The following CDC14B variants were observed in gnomAD, a reference collection of about 807,000 sequenced individuals.
CDC14B encodes the protein dual specificity protein phosphatase CDC14B.
CDC14B carries 22 observed loss-of-function variants against 64.2 expected under a neutral mutation model. The ratio of observed to expected loss-of-function variants is 0.34; its 90% CI spans 0.24 to 0.49. The LOEUF (loss-of-function observed/expected upper bound fraction) is 0.49. Among genes scored for constraint, CDC14B ranks in the 20% least tolerant of loss-of-function variants. CDC14B has a pLI of 0.99. For missense variants in CDC14B, 498 were observed against 629.9 expected (o/e 0.79, Z 2.24); for synonymous variants, 191 against 215.8 (o/e 0.89, Z 1.01).
At chr9:96,562,828 CAA>C in intron 3 of CDC14B, 43 bp from the exon 4 acceptor site, 3 of 1,233,464 alleles carry the variant, frequency 2.4e-6, no homozygotes, top group Non-Finnish European at 3.6e-6. Flanking sequence ...TTTTTAATTT[CAA>C]GTCTTCCACA....
At chr9:96,540,169 A>G (rs1839847530) in intron 6 of CDC14B, among the ~76,000 whole-genome samples, 1 of 152,258 alleles carries the variant, frequency 6.6e-6, no homozygotes, top group Admixed American at 6.5e-5. Flanking sequence ...AGTAGTTTAT[A>G]AGGAATTCCT....
chr9:96,535,299 C>G (rs1390764390), intron 7 of CDC14B, among the ~76,000 whole-genome samples: 1 of 152,060 alleles, frequency 6.6e-6, no homozygotes, highest in African/African-American at 2.4e-5. Context: ...AAGAGCGAAA[C>G]TCTGTCTCAA....
chr9:96,607,577 C>T (rs1024485772), intron 1 of CDC14B, among the ~76,000 whole-genome samples: 15 of 152,018 alleles, frequency 9.9e-5, no homozygotes, highest in African/African-American at 2.4e-4. Flanking sequence ...CCTGCCACCA[C>T]GCCTGGCTAA....
rs977421237 is a variant in CDC14B at position 96,562,578 on chromosome 9, C to G, written c.420+115G>C. 5.2e-6 allele frequency: 4 copies of G among 768,838 alleles called. No homozygotes were observed. In the African/African-American group the frequency reaches 7.0e-5, roughly 13 times the overall value. 47.6% of individuals were successfully genotyped at this position (768,838 alleles called of 1,614,324 possible). On this transcript the variant is annotated intron_variant, in intron 4 of 13. Transcript: ENST00000375241. The stretch of plus-strand genomic sequence containing the variant: ...TGGTCAATTTTTTAAAAGCAAAACA[C>G]GTTCTTTCTGAAGAGAAATCAAGAC...
chr9:96,602,098 C>G (rs966416731), intron 1 of CDC14B, among the ~76,000 whole-genome samples: 34 of 152,246 alleles, frequency 2.2e-4, no homozygotes, highest in Admixed American at 2.2e-3. Flanking sequence ...AAAACAAAAA[C>G]TAACTGTGGT....
At chr9:96,605,644 G>A (rs935532654) in intron 1 of CDC14B, among the ~76,000 whole-genome samples, 1 of 152,176 alleles carries the variant, frequency 6.6e-6, no homozygotes, top group Non-Finnish European at 1.5e-5. Context: ...CATCTGTTCT[G>A]GGGAATGCAA....
chr9:96,545,799 A>G (rs1212357911), intron 5 of CDC14B, among the ~76,000 whole-genome samples: 1 of 151,858 alleles, frequency 6.6e-6, no homozygotes, highest in East Asian at 1.9e-4. Flanking sequence ...GGCCCTGCTG[A>G]AGTCCTGCCT....
chr9:96,497,350 C>T (rs1322753451), downstream of CDC14B, among the ~76,000 whole-genome samples: 3 of 152,176 alleles, frequency 2.0e-5, no homozygotes, highest in Admixed American at 1.3e-4. Context: ...AGGCCAGGGA[C>T]CCCCGAGGCG....
intron 5 of CDC14B, among the ~76,000 whole-genome samples, chr9:96,545,688 C>T (rs1840710669): frequency 6.6e-6 from 1 of 150,776 alleles, no homozygotes; most frequent in South Asian, 2.1e-4. Context: ...GTCTCTGTGA[C>T]ATTTTGGCAA....
At position 96,588,557 on chromosome 9, in the gene CDC14B, G is replaced by A. The variant is rs532690981; in HGVS notation, c.161-23074C>T. ...GCTGGAGCGCAGTGGCGTAATCAAG[G>A]CTCACTGCGGCCTCCACCTCCTGGG... On this transcript the variant is annotated intron_variant, in intron 1 of 13. Coordinates refer to ENST00000375241, the MANE Select transcript of CDC14B (RefSeq NM_033331.4). Among the ~76,000 whole-genome samples the A allele has an allele frequency of 2.6e-5, 4 of 152,290 alleles. No individual in the cohort carries two copies. In the South Asian group the frequency reaches 8.3e-4, roughly 32 times the overall value.
At chr9:96,591,752 CT>C (rs879516095) in intron 1 of CDC14B, among the ~76,000 whole-genome samples, 37 of 146,780 alleles carry the variant, frequency 2.5e-4, no homozygotes, top group Admixed American at 2.7e-4. Context: ...TCTTTAATTT[CT>C]TTTTTTTTTT....
chr9:96,538,817 A>T (rs1839641016), intron 7 of CDC14B: 1 of 297,164 alleles, frequency 3.4e-6, no homozygotes, highest in Admixed American at 5.1e-5. Context: ...TAAATTCTGG[A>T]GATCTAATGT....
chr9:96,533,748 G>A (rs1468549529), intron 9 of CDC14B, among the ~76,000 whole-genome samples, 179 bp downstream of exon 9: 1 of 152,174 alleles, frequency 6.6e-6, no homozygotes, highest in Non-Finnish European at 1.5e-5. Flanking sequence ...TGATGTATTT[G>A]TAGAATTACT....
chr9:96,496,589 A>G (rs1483745558), downstream of CDC14B, among the ~76,000 whole-genome samples: 5 of 152,200 alleles, frequency 3.3e-5, no homozygotes, highest in East Asian at 7.7e-4. Context: ...GGACACGCCA[A>G]CCGCGGTCCT....
intron 5 of CDC14B, among the ~76,000 whole-genome samples, chr9:96,542,369 C>T (rs1185923948): frequency 6.6e-6 from 1 of 152,080 alleles, no homozygotes; most frequent in African/African-American, 2.4e-5. Flanking sequence ...GTGTCTCCAA[C>T]CAAGTATGAC....
chr9:96,526,333 A>C (rs577102937), intron 9 of CDC14B, among the ~76,000 whole-genome samples: 71 of 152,256 alleles, frequency 4.7e-4, no homozygotes, highest in Non-Finnish European at 7.4e-4. Context: ...GCGCCACTTT[A>C]CTCCAGCCTG....
At chr9:96,507,508 A>G (rs1047786634) in intron 13 of CDC14B, among the ~76,000 whole-genome samples, 1 of 151,182 alleles carries the variant, frequency 6.6e-6, no homozygotes, top group Non-Finnish European at 1.5e-5. Context: ...CTCCGCCTCC[A>G]AAGTTCAAGT....
intron 1 of CDC14B, among the ~76,000 whole-genome samples, chr9:96,568,853 G>A (rs1844309179): frequency 6.6e-6 from 1 of 151,942 alleles, no homozygotes; most frequent in South Asian, 2.1e-4. Context: ...GGAGGTGGAG[G>A]TTGCAGTGAG....
downstream of CDC14B, chr9:96,496,462 C>T (rs1833245168): frequency 4.7e-6 from 2 of 422,380 alleles, no homozygotes; most frequent in Admixed American, 2.6e-5. Flanking sequence ...GGACTAGCTT[C>T]CTGGGCCGCT....
Sources: allele counts gnomAD v4.1 joint callset (sites outside exome capture counted in the v4.1 genomes callset), GRCh38; gene constraint gnomAD v4.1.1; transcripts MANE v1.5; gene names NCBI Gene and HGNC (gene_info 2026-07-23, HGNC 2026-07-21).